The following LMO7 variants were observed in gnomAD, a reference collection of about 807,000 sequenced individuals.
LMO7 encodes LIM domain 7, also known as LIM domain only protein 7.
Under a neutral mutation model 206.5 loss-of-function variants are expected in LMO7, and 120 were observed. That is an observed-to-expected ratio of 0.58 (90% confidence interval 0.50 to 0.68). The LOEUF is 0.68. LMO7 is among the 30% of genes least tolerant of loss of function. The pLI, the probability that LMO7 is intolerant of heterozygous loss-of-function variation, is 0.00. For missense variants in LMO7, 1,959 were observed against 1,957.9 expected, an observed-to-expected ratio of 1.00 and a Z score of -0.01; for synonymous variants, 706 against 681.5, an observed-to-expected ratio of 1.04 and a Z score of -0.56.
intron 1 of LMO7, among the ~76,000 whole-genome samples, chr13:75,687,274 G>C (rs1941673878): frequency 6.6e-6 from 1 of 152,156 alleles, no homozygotes; most frequent in Non-Finnish European, 1.5e-5. Flanking sequence ...TGTCATGTCA[G>C]ATCAGAGTCT....
intron 27 of LMO7, 78 bp downstream of exon 27, chr13:75,849,370 G>A: frequency 5.4e-6 from 6 of 1,120,040 alleles, no homozygotes; most frequent in Non-Finnish European, 8.0e-6. Flanking sequence ...CTGGTGCTTT[G>A]GACAGAAGAG....
chr13:75,767,439 G>A (rs2049048154), intron 4 of LMO7, among the ~76,000 whole-genome samples: 1 of 152,022 alleles, frequency 6.6e-6, no homozygotes, highest in Admixed American at 6.6e-5. Context: ...AATTTTTTAT[G>A]AGAAGTCATC....
chr13:75,802,334 C>T (rs915049260), intron 7 of LMO7, among the ~76,000 whole-genome samples: 3 of 152,192 alleles, frequency 2.0e-5, no homozygotes, highest in African/African-American at 7.2e-5. Context: ...GCCCAGATGA[C>T]GATTCCAATA....
intron 4 of LMO7, among the ~76,000 whole-genome samples, chr13:75,780,050 G>T (rs1188540644): frequency 6.6e-6 from 1 of 152,162 alleles, no homozygotes; most frequent in East Asian, 1.9e-4. Context: ...GGGTCACAGA[G>T]ATCACATGCT....
intron 1 of LMO7, among the ~76,000 whole-genome samples, chr13:75,686,159 G>T (rs1015411004): frequency 5.9e-5 from 9 of 152,006 alleles, no homozygotes; most frequent in African/African-American, 2.2e-4. Context: ...GATTACAGGG[G>T]TGTATTAGTC....
rs775927362 is a variant in LMO7, at chr13:75,807,527, T to G, written c.1244T>G (p.Leu415Trp). ...QALQTYSDDI[L>W]SSETHTKIDP... ...CTCCAAACATACTCTGATGACATCT[T>G]GTCTTCTGAAACACATACCAAAATT... Residue 415 changes from leucine to tryptophan, a missense_variant, in exon 10 of 31, where the codon TTG (leucine) becomes TGG (tryptophan). Leu to Trp is a moderately conservative substitution (Grantham distance 61). Transcript: ENST00000377534. 4 of 1,613,744 alleles carry G rather than the reference T, an allele frequency of 2.5e-6. No homozygotes were observed. Among genetic ancestry groups the G allele is most frequent in the Non-Finnish European group, 3.4e-6 (4 of 1,179,868 alleles).
chr13:75,855,861 G>A (rs2060886737), intron 29 of LMO7, among the ~76,000 whole-genome samples: 1 of 152,166 alleles, frequency 6.6e-6, no homozygotes, highest in African/African-American at 2.4e-5. Flanking sequence ...TAATTGTTTG[G>A]TTTTGTAATC....
At chr13:75,699,891 C>A (rs925199246) in intron 1 of LMO7, among the ~76,000 whole-genome samples, 2 of 152,156 alleles carry the variant, frequency 1.3e-5, no homozygotes, top group Non-Finnish European at 2.9e-5. Context: ...GAGACCAGGG[C>A]GTATTTTATC....
intron 1 of LMO7, among the ~76,000 whole-genome samples, chr13:75,669,613 T>C (rs1361496570): frequency 1.3e-5 from 2 of 152,168 alleles, no homozygotes; most frequent in South Asian, 2.1e-4. Context: ...CCTAGCCTCA[T>C]CTGTTGCAGG....
In LMO7 at chr13:75,821,581, G is replaced by A; in HGVS notation, c.2612G>A (p.Gly871Glu). ...TPRPFGSQTR[G>E]ISSLPRSYTM... ...AGACCCTTTGGCTCTCAGACAAGGG[G>A]AATCTCATCACTCCCCAGATCTTAC... Residue 871 changes from glycine (G) to glutamate (E), a missense_variant, in exon 14 of 31, where the codon GGA (glycine) becomes GAA (glutamate). Transcript: ENST00000377534. The A allele has an allele frequency of 2.5e-6, 4 of 1,613,506 alleles. No homozygotes were observed. The highest frequency in any genetic ancestry group is 2.5e-6 in the Non-Finnish European group (3 of 1,179,666).
chr13:75,762,367 T>A (rs936922686), intron 4 of LMO7, among the ~76,000 whole-genome samples: 1 of 152,216 alleles, frequency 6.6e-6, no homozygotes, highest in Non-Finnish European at 1.5e-5. Context: ...CTTATCAACA[T>A]ATTTCTTCAT....
intron 2 of LMO7, chr13:75,628,145 T>C (rs1055653841): frequency 5.9e-5 from 9 of 152,228 alleles, no homozygotes; most frequent in Admixed American, 2.6e-4. Flanking sequence ...TTCTCATCTA[T>C]CCCTTCTCAG....
chr13:75,663,647 G>T (rs1048927383), intron 1 of LMO7, among the ~76,000 whole-genome samples: 1 of 151,880 alleles, frequency 6.6e-6, no homozygotes, highest in African/African-American at 2.4e-5. Flanking sequence ...AGCCAGGATG[G>T]TCTCGATCTC....
chr13:75,683,976 G>T (rs1197699604), intron 1 of LMO7, among the ~76,000 whole-genome samples: 1 of 152,170 alleles, frequency 6.6e-6, no homozygotes, highest in Non-Finnish European at 1.5e-5. Context: ...TTGTGAATAT[G>T]TCTTATCAGA....
chr13:75,828,984 C>T (rs765169440), intron 15 of LMO7, among the ~76,000 whole-genome samples: 25 of 152,172 alleles, frequency 1.6e-4, no homozygotes, highest in Non-Finnish European at 3.7e-4. Context: ...ACGTGGGCAC[C>T]TGATGAACTA....
Position 75,724,031 on chromosome 13 carries a change from C to A in LMO7, c.141-2998C>A, listed in dbSNP as rs563037530. Among the ~76,000 whole-genome samples, 5 of 152,208 alleles carry A rather than the reference C, an allele frequency of 3.3e-5. No individual in the cohort carries two copies. In the South Asian group the frequency reaches 1.0e-3, roughly 32 times the overall value. ...GCCTCTTTTATGAGGGACCTAATCC[C>A]ATTCATGAGGGTTCTACTCTCATGA... On this transcript the variant is annotated intron_variant, in intron 2 of 30. Transcript: ENST00000377534.
intron 6 of LMO7, among the ~76,000 whole-genome samples, chr13:75,798,169 G>A (rs1003353752): frequency 6.6e-6 from 1 of 152,136 alleles, no homozygotes; most frequent in Non-Finnish European, 1.5e-5. Flanking sequence ...TTGTGAGTTC[G>A]AGACCAGCCT....
At chr13:75,653,072 A>G (rs1697989553) in intron 1 of LMO7, among the ~76,000 whole-genome samples, 1 of 152,174 alleles carries the variant, frequency 6.6e-6, no homozygotes, top group African/African-American at 2.4e-5. Context: ...TCTTTCATTC[A>G]CCTCGGGACA....
Position 75,808,110 on chromosome 13 carries a change from T to C in LMO7, c.1827T>C (p.Pro609=). 6.2e-7 allele frequency: 1 copy of C among 1,613,922 alleles called. No homozygotes were observed. The highest frequency in any genetic ancestry group is 8.5e-7 in the Non-Finnish European group (1 of 1,179,846). Residue 609 remains proline, a synonymous_variant, in exon 10 of 31, where the codon CCT becomes CCC. Coordinates refer to ENST00000377534, the MANE Select transcript of LMO7 (RefSeq NM_001306080.2). ...CCGTGCCTCCCATCAGTTTCACCCC[T>C]GGCCCCTGCAGTGAGGCTGACTTGA... The part of the protein sequence containing the change: ...GTTVPPISFT[P]GPCSEADLKR...
Sources: allele counts gnomAD v4.1 joint callset (sites outside exome capture counted in the v4.1 genomes callset), GRCh38; gene constraint gnomAD v4.1.1; transcripts MANE v1.5; gene names NCBI Gene and HGNC (gene_info 2026-07-23, HGNC 2026-07-21).